STING1: variants seen among roughly 807,000 people sequenced by gnomAD.
STING1 encodes stimulator of interferon response cGAMP interactor 1, also known as stimulator of interferon genes protein.
Under a neutral mutation model 31.6 loss-of-function variants are expected in STING1, and 19 were observed. The ratio of observed to expected loss-of-function variants is 0.60; its 90% CI spans 0.42 to 0.88. STING1 has a LOEUF of 0.88. STING1 is among the 40% of genes least tolerant of loss of function. The pLI is 0.00. For synonymous variants in STING1, 200 were observed against 208.6 expected, an observed-to-expected ratio of 0.96 and a Z score of 0.35; for missense variants, 371 against 483.7, an observed-to-expected ratio of 0.77 and a Z score of 2.19.
At chr5:139,478,878 A>G in intron 5 of STING1, 1 of 226,596 alleles carries the variant, frequency 4.4e-6, no homozygotes, top group South Asian at 8.0e-5. Context: ...AAGCCCTAGG[A>G]GATAGCAATG....
At chr5:139,479,381 T>G (rs1349697478) in intron 5 of STING1, among the ~76,000 whole-genome samples, 1 of 151,328 alleles carries the variant, frequency 6.6e-6, no homozygotes, top group Non-Finnish European at 1.5e-5. Flanking sequence ...TGATATCGGA[T>G]AAATCACTTT....
intron 5 of STING1, chr5:139,478,763 A>G: frequency 4.5e-6 from 2 of 447,554 alleles, no homozygotes; most frequent in Non-Finnish European, 8.3e-6. Context: ...CCTTTCCACC[A>G]TGGCTTTCAG....
chr5:139,481,761 A>G lies in STING1; in HGVS notation c.1-57T>C. 7.0e-7 allele frequency: 1 copy of G among 1,427,378 alleles called. No homozygotes were observed. Among genetic ancestry groups the G allele is most frequent in the South Asian group, 1.3e-5 (1 of 78,244 alleles). The allele number at this position is 1,427,378 out of a possible 1,614,324, so 88.4% of individuals were successfully genotyped here. ...CCCCTTGCCCTCCTGCCCTTCTGGG[A>G]CTGAGGCTCTGGCTGGGCACTTCCT... is the stretch of plus-strand genomic sequence containing the variant. On this transcript the variant is annotated intron_variant, in intron 2 of 7. Coordinates refer to ENST00000330794, the MANE Select transcript of STING1 (RefSeq NM_198282.4). This position sits in a 1 kb window ranked among gnomAD's most constrained non-coding sequence, Gnocchi z 4.1.
chr5:139,476,396 C>T lies in STING1; in HGVS notation c.1005G>A (p.Gln335=), dbSNP rs765637970. ...LSQEVLRHLR[Q]EEKEEVTVGS... is the part of the protein sequence containing the mutation. ...CCACAGTAACCTCTTCCTTTTCCTC[C>T]TGCCGCAGGTGCCGGAGAACCTCCT... The change falls in exon 8 of 8, where the codon CAG becomes CAA. Residue 335 remains glutamine, a synonymous_variant. Transcript: ENST00000330794. 4 of 1,612,668 alleles carry T rather than the reference C, an allele frequency of 2.5e-6. No individual in the cohort carries two copies. The South Asian group carries it at 4.4e-5, about 18-fold the overall frequency.
intron 6 of STING1, 135 bp downstream of exon 6, chr5:139,478,135 C>T (rs1751716578): frequency 2.9e-6 from 2 of 698,976 alleles, no homozygotes; most frequent in African/African-American, 1.8e-5. Context: ...GAGCTGAATC[C>T]TGCCCAGACC....
At position 139,481,140 on chromosome 5, in the gene STING1, A is replaced by ACCTCC; in HGVS notation, c.411+14_411+18dup. 2.5e-6 allele frequency: 4 copies of ACCTCC among 1,613,074 alleles called. No homozygotes were observed. Among genetic ancestry groups the ACCTCC allele is most frequent in the Non-Finnish European group, 3.4e-6 (4 of 1,179,480 alleles). On this transcript the variant is annotated intron_variant, in intron 4 of 7. Coordinates refer to ENST00000330794, the MANE Select transcript of STING1 (RefSeq NM_198282.4). The surrounding 1 kb of genome is among the most constrained non-coding windows in gnomAD (Gnocchi z 4.1). ...CAGCCACCACTTGGCCAGAGCTTCT[A>ACCTCC]CCTCCCCCTGTGTCATACCTTGAGG...
chr5:139,482,036 C>T (rs1751867616), intron 2 of STING1, 174 bp downstream of exon 2: 1 of 228,872 alleles, frequency 4.4e-6, no homozygotes, highest in African/African-American at 2.2e-5. Context: ...CAACCAAGAA[C>T]CCTTGGGGAC....
At position 139,481,633 on chromosome 5, in the gene STING1, A is replaced by T; in HGVS notation, c.72T>A (p.Val24=). 2.5e-6 allele frequency: 4 copies of T among 1,612,758 alleles called. No individual in the cohort carries two copies. The highest frequency in any genetic ancestry group is 3.4e-6 in the Non-Finnish European group (4 of 1,179,292). Residue 24 remains valine, a synonymous_variant, in exon 3 of 8, where the codon GTT becomes GTA. Coordinates refer to ENST00000330794, the MANE Select transcript of STING1 (RefSeq NM_198282.4). The surrounding 1 kb of genome is among the most constrained non-coding windows in gnomAD (Gnocchi z 4.1). The stretch of plus-strand genomic sequence containing the variant: ...GGGTCACCAGGCAGGCACTCAGCAG[A>T]ACCAAGGCTGCCTTCTGGGCCCCGT... ...RGHGAQKAAL[V]LLSACLVTLW...
In STING1 at chr5:139,481,218, T is replaced by G; in HGVS notation, c.352A>C (p.Thr118Pro). ...SLPNAVGPPFTWMLALLGLSQ... is the reference protein window; with the variant it reads ...SLPNAVGPPFPWMLALLGLSQ... ...AGGCCCAGGAGGGCAAGCATCCAAG[T>G]GAAGGGCGGGCCGACCGCATTTGGG... The change falls in exon 4 of 8, where the codon ACT becomes CCT. Residue 118 changes from threonine to proline, a missense_variant. Physicochemically the swap from Thr to Pro is conservative, Grantham distance 38 (BLOSUM62 -1). Coordinates refer to ENST00000330794, the MANE Select transcript of STING1 (RefSeq NM_198282.4). The surrounding 1 kb of genome is among the most constrained non-coding windows in gnomAD (Gnocchi z 4.1). 2 of 1,614,102 alleles carry G rather than the reference T, an allele frequency of 1.2e-6. No homozygotes were observed. The highest frequency in any genetic ancestry group is 1.1e-5 in the South Asian group (1 of 91,074).
rs1751828117 is a variant in STING1, at chr5:139,481,143, T to A, written c.411+16A>T. On this transcript the variant is annotated intron_variant, in intron 4 of 7. Coordinates refer to ENST00000330794, the MANE Select transcript of STING1 (RefSeq NM_198282.4). This position sits in a 1 kb window ranked among gnomAD's most constrained non-coding sequence, Gnocchi z 4.1. ...CCACCACTTGGCCAGAGCTTCTACC[T>A]CCCCCTGTGTCATACCTTGAGGCCC... 2.5e-6 allele frequency: 4 copies of A among 1,612,302 alleles called. No individual in the cohort carries two copies. The highest frequency in any genetic ancestry group is 3.4e-6 in the Non-Finnish European group (4 of 1,178,846).
At position 139,481,223 on chromosome 5, in the gene STING1, G is replaced by T; in HGVS notation, c.347C>A (p.Pro116His). The T allele has an allele frequency of 6.2e-7, 1 of 1,614,196 alleles. No individual in the cohort carries two copies. The highest frequency in any genetic ancestry group is 8.5e-7 in the Non-Finnish European group (1 of 1,180,024). Reference protein sequence around the residue: ...YYSLPNAVGPPFTWMLALLGL... With the variant: ...YYSLPNAVGPHFTWMLALLGL... The stretch of plus-strand genomic sequence containing the variant: ...CAGGAGGGCAAGCATCCAAGTGAAG[G>T]GCGGGCCGACCGCATTTGGGAGGGA... Residue 116 changes from proline (P) to histidine (H), a missense_variant, in exon 4 of 8, where the codon CCC (proline) becomes CAC (histidine). Coordinates refer to ENST00000330794, the MANE Select transcript of STING1 (RefSeq NM_198282.4). This position sits in a 1 kb window ranked among gnomAD's most constrained non-coding sequence, Gnocchi z 4.1.
chr5:139,481,803 C>T lies in STING1; in HGVS notation c.1-99G>A. On this transcript the variant is annotated intron_variant, in intron 2 of 7. Coordinates refer to ENST00000330794, the MANE Select transcript of STING1 (RefSeq NM_198282.4). The surrounding 1 kb of genome is among the most constrained non-coding windows in gnomAD (Gnocchi z 4.1). ...GCACTTCCTCCCAGTTCCCCTTTCC[C>T]TGGTGCCCAGCCACTCCCAGAGGCT... is the stretch of plus-strand genomic sequence containing the variant. 4 of 1,030,412 alleles carry T rather than the reference C, an allele frequency of 3.9e-6. No individual in the cohort carries two copies. The highest frequency in any genetic ancestry group is 4.8e-5 in the Admixed American group (2 of 41,462). 63.8% of individuals were successfully genotyped at this position (1,030,412 alleles called of 1,614,324 possible).
In STING1 at chr5:139,477,578, C is replaced by T. The variant is rs1751701582; in HGVS notation, c.760-63G>A. ...GCCAGGCGGATGGAGAATGGAGGGT[C>T]CAGTCCAGGCTCTGGCCCCCAGTGC... On this transcript the variant is annotated intron_variant, in intron 6 of 7. Coordinates refer to ENST00000330794, the MANE Select transcript of STING1 (RefSeq NM_198282.4). 3 of 1,527,070 alleles carry T rather than the reference C, an allele frequency of 2.0e-6. 1 individual carries two copies. Among genetic ancestry groups the T allele is most frequent in the Non-Finnish European group, 8.9e-7 (1 of 1,122,064 alleles). 94.6% of individuals were successfully genotyped at this position (1,527,070 alleles called of 1,614,324 possible). A position where few individuals can be genotyped will look rare whatever the true frequency, so the allele number is the denominator to read the frequency against.
chr5:139,481,842 C>G lies in STING1; in HGVS notation c.1-138G>C. ...CTCCCAGAGGCTGCTCTTAGAGACA[C>G]CTCTAGGAGGCAGGCTGGGAATAAG... On this transcript the variant is annotated intron_variant, in intron 2 of 7. Transcript: ENST00000330794. The surrounding 1 kb of genome is among the most constrained non-coding windows in gnomAD (Gnocchi z 4.1). 2.9e-6 allele frequency: 2 copies of G among 683,712 alleles called. No individual in the cohort carries two copies. The highest frequency in any genetic ancestry group is 4.0e-5 in the South Asian group (2 of 49,452). 42.4% of individuals were successfully genotyped at this position (683,712 alleles called of 1,614,324 possible).
At chr5:139,476,489 A>T (rs371568093) in intron 7 of STING1, 35 bp from the exon 8 acceptor site, 1 of 1,591,560 alleles carries the variant, frequency 6.3e-7, no homozygotes, top group Admixed American at 1.7e-5. Flanking sequence ...AGTAATGAGG[A>T]TCTTACCCAT....
In STING1 at chr5:139,481,622, G is replaced by A; in HGVS notation, c.83C>T (p.Ala28Val). The A allele has an allele frequency of 1.2e-6, 2 of 1,613,454 alleles. No individual in the cohort carries two copies. Residue 28 changes from alanine (A) to valine (V), a missense_variant, in exon 3 of 8, where the codon GCC (alanine) becomes GTC (valine). By Grantham distance (64) the Ala-to-Val change is moderately conservative. Transcript: ENST00000330794. This position sits in a 1 kb window ranked among gnomAD's most constrained non-coding sequence, Gnocchi z 4.1. ...AQKAALVLLSACLVTLWGLGE... is the reference protein window; with the variant it reads ...AQKAALVLLSVCLVTLWGLGE... ...TAGCCCCCAAAGGGTCACCAGGCAG[G>A]CACTCAGCAGAACCAAGGCTGCCTT...
Position 139,481,685 on chromosome 5 carries a change from T to G in STING1, c.20A>C (p.His7Pro), listed in dbSNP as rs1751858197. The G allele has an allele frequency of 1.9e-6, 3 of 1,605,866 alleles. No homozygotes were observed. The African/African-American group carries it at 4.0e-5, about 21-fold the overall frequency. ...ACCCCTGGGACACGGGATGGATGGA[T>G]GCAGGCTGGAGTGGGGCATCTGTGG... MPHSSLHPSIPCPRGHG... is the reference protein window; with the variant it reads MPHSSLPPSIPCPRGHG... Residue 7 changes from histidine (H) to proline (P), a missense_variant, in exon 3 of 8, where the codon CAT becomes CCT. Transcript: ENST00000330794. This position sits in a 1 kb window ranked among gnomAD's most constrained non-coding sequence, Gnocchi z 4.1.
intron 7 of STING1, 105 bp from the exon 8 acceptor site, chr5:139,476,559 C>A: frequency 9.7e-7 from 1 of 1,028,292 alleles, no homozygotes; most frequent in Non-Finnish European, 1.4e-6. Context: ...CCCTACCCCC[C>A]TTCCTACCCA....
chr5:139,478,774 G>T, intron 5 of STING1: 1 of 441,102 alleles, frequency 2.3e-6, no homozygotes, highest in Admixed American at 3.4e-5. Context: ...TGGCTTTCAG[G>T]GCTGAGAGGC....
Sources: allele counts gnomAD v4.1 joint callset (sites outside exome capture counted in the v4.1 genomes callset), GRCh38; gene constraint gnomAD v4.1.1; non-coding constraint Gnocchi (gnomAD v3.1); transcripts MANE v1.5; gene names NCBI Gene and HGNC (gene_info 2026-07-23, HGNC 2026-07-21).